WDR7: variants seen among roughly 807,000 people sequenced by gnomAD.
WDR7 encodes WD repeat domain 7.
In WDR7, 46 loss-of-function variants were observed where a neutral mutation model predicts 169.4. The ratio of observed to expected loss-of-function variants is 0.27; its 90% CI spans 0.21 to 0.35. WDR7 has a LOEUF of 0.35. Among genes scored for constraint, WDR7 ranks in the 10% least tolerant of loss-of-function variants. The pLI, the probability that WDR7 is intolerant of heterozygous loss-of-function variation, is 1.00. For synonymous variants in WDR7, 612 were observed against 666.8 expected, an observed-to-expected ratio of 0.92 and a Z score of 1.27; for missense variants, 1,534 against 1,859.3, an observed-to-expected ratio of 0.83 and a Z score of 3.22.
chr18:56,728,866 GCTT>G (rs2144793022), intron 13 of WDR7, among the ~76,000 whole-genome samples: 1 of 152,262 alleles, frequency 6.6e-6, no homozygotes, highest in Non-Finnish European at 1.5e-5. Context: ...CTCTTGTTTA[GCTT>G]CCCTCTGCAC....
chr18:56,788,447 T>C (rs8096486), intron 19 of WDR7, among the ~76,000 whole-genome samples: 46,790 of 151,922 alleles, frequency 0.31, 7,918 homozygotes, highest in East Asian at 0.51. Flanking sequence ...CTGTTTCTAG[T>C]GTTGTAGGGG....
intron 16 of WDR7, among the ~76,000 whole-genome samples, chr18:56,774,412 G>C (rs974418190): frequency 3.9e-5 from 6 of 152,028 alleles, no homozygotes; most frequent in Admixed American, 6.6e-5. Flanking sequence ...AGTTGAAGCG[G>C]CTCAGATAAA....
At chr18:57,022,768 C>G (rs2048309241) in intron 27 of WDR7, among the ~76,000 whole-genome samples, 1 of 152,144 alleles carries the variant, frequency 6.6e-6, no homozygotes, top group Non-Finnish European at 1.5e-5. Flanking sequence ...CACTTAGAGA[C>G]CAAGCTCGTT....
intron 20 of WDR7, among the ~76,000 whole-genome samples, chr18:56,826,138 G>A (rs2045199568): frequency 6.6e-6 from 1 of 152,194 alleles, no homozygotes; most frequent in Admixed American, 6.5e-5. Context: ...CTGGCCTTTT[G>A]TGAGCTGTGT....
chr18:56,903,446 G>A (rs2046431108), intron 21 of WDR7, among the ~76,000 whole-genome samples: 1 of 151,982 alleles, frequency 6.6e-6, no homozygotes, highest in African/African-American at 2.4e-5. Flanking sequence ...TTGAGAAGGA[G>A]TCTTGCCCTG....
intron 20 of WDR7, among the ~76,000 whole-genome samples, chr18:56,855,109 T>C (rs1261523383): frequency 6.6e-6 from 1 of 152,196 alleles, no homozygotes; most frequent in Non-Finnish European, 1.5e-5. Context: ...ATTTAAAATT[T>C]CGATAATTAT....
At chr18:57,003,504 C>A (rs1015306555) in intron 26 of WDR7, among the ~76,000 whole-genome samples, 1 of 151,864 alleles carries the variant, frequency 6.6e-6, no homozygotes, top group Non-Finnish European at 1.5e-5. Context: ...TTTTGTTACT[C>A]AAAACTCAAA....
At chr18:56,738,407 A>T (rs2026747686) in intron 14 of WDR7, among the ~76,000 whole-genome samples, 1 of 152,038 alleles carries the variant, frequency 6.6e-6, no homozygotes, top group South Asian at 2.1e-4. Context: ...CCTCTACAAA[A>T]ATTAGCCAGG....
chr18:56,802,665 G>T (rs186405400), intron 19 of WDR7, among the ~76,000 whole-genome samples: 3 of 152,060 alleles, frequency 2.0e-5, no homozygotes, highest in Admixed American at 2.0e-4. Flanking sequence ...ACCGCACCTG[G>T]CCCAACAGTA....
At chr18:56,941,599 TA>T (rs1434796143) in intron 25 of WDR7, among the ~76,000 whole-genome samples, 1 of 152,194 alleles carries the variant, frequency 6.6e-6, no homozygotes, top group Non-Finnish European at 1.5e-5. Context: ...TGCCCGAGTA[TA>T]GAGGGCTTTG....
chr18:56,810,338 T>A (rs1187374908), intron 19 of WDR7, among the ~76,000 whole-genome samples: 1 of 152,114 alleles, frequency 6.6e-6, no homozygotes, highest in East Asian at 1.9e-4. Flanking sequence ...CCCTTTACTG[T>A]CTTCCAAAAA....
At chr18:56,665,994 G>A (rs577417567) in intron 1 of WDR7, among the ~76,000 whole-genome samples, 22 of 152,040 alleles carry the variant, frequency 1.4e-4, no homozygotes, top group Admixed American at 7.2e-4. Flanking sequence ...ATATTGATCC[G>A]TCACTGGATG....
intron 7 of WDR7, among the ~76,000 whole-genome samples, chr18:56,688,470 C>G (rs1055177612): frequency 2.6e-5 from 4 of 151,574 alleles, no homozygotes; most frequent in African/African-American, 9.7e-5. Flanking sequence ...GTAATCCCAG[C>G]ACTTTGGGAG....
chr18:57,008,464 A>G (rs2048095823), intron 26 of WDR7, among the ~76,000 whole-genome samples: 1 of 152,214 alleles, frequency 6.6e-6, no homozygotes, highest in Non-Finnish European at 1.5e-5. Flanking sequence ...CCTCGTTTTC[A>G]AGCCTGCCTG....
At chr18:56,814,414 G>T (rs1314245843) in intron 19 of WDR7, among the ~76,000 whole-genome samples, 5 of 151,978 alleles carry the variant, frequency 3.3e-5, no homozygotes, top group Non-Finnish European at 5.9e-5. Context: ...TTTTGATTTT[G>T]TATTTGAGCA....
chr18:56,772,657 C>A (rs1025330609), intron 16 of WDR7, among the ~76,000 whole-genome samples: 2 of 151,466 alleles, frequency 1.3e-5, no homozygotes, highest in African/African-American at 4.9e-5. Context: ...ATTTATCTCT[C>A]TATATAAATG....
At chr18:56,751,144 A>G (rs1325780136) in intron 14 of WDR7, among the ~76,000 whole-genome samples, 1 of 152,122 alleles carries the variant, frequency 6.6e-6, no homozygotes, top group Non-Finnish European at 1.5e-5. Context: ...AGAAGCTCTA[A>G]TAAGAGGAAT....
intron 26 of WDR7, among the ~76,000 whole-genome samples, chr18:56,971,590 G>C (rs1264958608): frequency 2.6e-5 from 4 of 152,142 alleles, no homozygotes; most frequent in Non-Finnish European, 4.4e-5. Flanking sequence ...GAGAAAGCAA[G>C]AAGAGCACTA....
chr18:56,696,645 G>A (rs2025710721), intron 12 of WDR7, 183 bp downstream of exon 12: 3 of 561,724 alleles, frequency 5.3e-6, no homozygotes, highest in Non-Finnish European at 9.1e-6. Flanking sequence ...CTAACTATTG[G>A]GGCACATAGA....
Sources: gnomAD v4.1 joint callset for allele counts (sites outside exome capture counted in the v4.1 genomes callset) on GRCh38, gnomAD v4.1.1 for gene constraint, MANE v1.5 for transcripts, NCBI Gene and HGNC (gene_info 2026-07-23, HGNC 2026-07-21) for gene names.